The following HCN1 variants were observed in gnomAD, a reference collection of about 807,000 sequenced individuals.
The protein encoded by HCN1 is potassium/sodium hyperpolarization-activated cyclic nucleotide-gated channel 1.
Under a neutral mutation model 78.9 loss-of-function variants are expected in HCN1, and 13 were observed. The ratio of observed to expected loss-of-function variants is 0.16; its 90% CI spans 0.11 to 0.26. The LOEUF (loss-of-function observed/expected upper bound fraction) is 0.26, where lower values mean the gene tolerates loss of function less well. HCN1 is among the 10% of genes least tolerant of loss of function. HCN1 has a pLI of 1.00. For missense variants in HCN1, 810 were observed against 1,154.3 expected, an observed-to-expected ratio of 0.70 and a Z score of 4.32; for synonymous variants, 552 against 455.5, an observed-to-expected ratio of 1.21 and a Z score of -2.70.
chr5:45,634,585 G>T (rs544283193), intron 2 of HCN1, among the ~76,000 whole-genome samples: 7 of 151,746 alleles, frequency 4.6e-5, no homozygotes, highest in East Asian at 1.9e-4. Flanking sequence ...TACAAATCTA[G>T]AAGTTCTTCA....
intron 2 of HCN1, among the ~76,000 whole-genome samples, chr5:45,531,083 C>CAA (rs1481482612): frequency 3.0e-4 from 46 of 151,636 alleles, no homozygotes; most frequent in Admixed American, 1.8e-3. Context: ...CACACACACA[C>CAA]AATCATCACA....
At chr5:45,587,848 A>G (rs930043688) in intron 2 of HCN1, among the ~76,000 whole-genome samples, 1 of 152,088 alleles carries the variant, frequency 6.6e-6, no homozygotes, top group African/African-American at 2.4e-5. Context: ...GACCTTTAGG[A>G]TGTAATTAGT....
chr5:45,471,744 A>C (rs1256905244), intron 2 of HCN1, among the ~76,000 whole-genome samples: 1 of 151,954 alleles, frequency 6.6e-6, no homozygotes, highest in African/African-American at 2.4e-5. Flanking sequence ...CATTAACTGC[A>C]TGTTTGAGCT....
intron 3 of HCN1, among the ~76,000 whole-genome samples, chr5:45,415,463 T>C (rs1038497830): frequency 1.3e-5 from 2 of 151,968 alleles, no homozygotes; most frequent in Admixed American, 6.6e-5. Flanking sequence ...CTAAGCCTTA[T>C]AACAAAACCT....
chr5:45,630,514 A>G (rs1369171320), intron 2 of HCN1, among the ~76,000 whole-genome samples: 2 of 152,224 alleles, frequency 1.3e-5, no homozygotes, highest in Non-Finnish European at 2.9e-5. Context: ...GGTGTTGCCT[A>G]AAACCTTTCA....
At chr5:45,518,609 G>T (rs1742556810) in intron 2 of HCN1, among the ~76,000 whole-genome samples, 1 of 152,160 alleles carries the variant, frequency 6.6e-6, no homozygotes, top group South Asian at 2.1e-4. Context: ...TGATAGAAGA[G>T]ACCATTTGAT....
At chr5:45,576,909 A>AT (rs930681141) in intron 2 of HCN1, among the ~76,000 whole-genome samples, 76 of 152,048 alleles carry the variant, frequency 5.0e-4, no homozygotes, top group Admixed American at 1.4e-3. Context: ...CTAATCTTTT[A>AT]TTTTCCCCTT....
chr5:45,463,312 A>T (rs1008170107), intron 2 of HCN1, among the ~76,000 whole-genome samples: 3 of 151,938 alleles, frequency 2.0e-5, no homozygotes, highest in African/African-American at 7.2e-5. Context: ...TCTTTAATTA[A>T]ATGTTTTTCA....
chr5:45,366,717 A>G (rs1747245867), intron 4 of HCN1, among the ~76,000 whole-genome samples: 1 of 151,828 alleles, frequency 6.6e-6, no homozygotes, highest in Non-Finnish European at 1.5e-5. Context: ...ATCATGCAGA[A>G]GCAACATATC....
At position 45,616,945 on chromosome 5, in the gene HCN1, A is replaced by T. The variant is rs569885934; in HGVS notation, c.849+28240T>A. Reference sequence around the variant, plus strand: ...TCCTAAATACCTCAGCATTTATTGTAGTCTTAAAGATGCCTGTGACAAAGG... The same window carrying T: ...TCCTAAATACCTCAGCATTTATTGTTGTCTTAAAGATGCCTGTGACAAAGG... On this transcript the variant is annotated intron_variant, in intron 2 of 7. Coordinates refer to ENST00000303230, the MANE Select transcript of HCN1 (RefSeq NM_021072.4). Among the ~76,000 whole-genome samples, 166 of 152,166 alleles carry T rather than the reference A, an allele frequency of 1.1e-3. 1 individual carries two copies. The highest frequency in any genetic ancestry group is 3.9e-3 in the African/African-American group (161 of 41,548).
chr5:45,414,830 T>A (rs1224221826), intron 3 of HCN1, among the ~76,000 whole-genome samples: 1 of 152,036 alleles, frequency 6.6e-6, no homozygotes, highest in Non-Finnish European at 1.5e-5. Flanking sequence ...TTTGAGACTA[T>A]CTTAGGCCCT....
chr5:45,625,614 G>C (rs1745149940), intron 2 of HCN1, among the ~76,000 whole-genome samples: 1 of 150,908 alleles, frequency 6.6e-6, no homozygotes, highest in Non-Finnish European at 1.5e-5. Context: ...CTGGGAAAGA[G>C]AAAACTTTAA....
intron 2 of HCN1, among the ~76,000 whole-genome samples, chr5:45,538,897 T>G (rs538793580): frequency 1.3e-4 from 20 of 152,274 alleles, no homozygotes; most frequent in Non-Finnish European, 2.6e-4. Flanking sequence ...AGTTTCCAGG[T>G]TTCAGGTACT....
intron 2 of HCN1, among the ~76,000 whole-genome samples, chr5:45,529,627 C>T (rs564979175): frequency 1.4e-4 from 21 of 151,818 alleles, no homozygotes; most frequent in South Asian, 1.2e-3. Flanking sequence ...GTGTCTTTGG[C>T]GGAATACCAA....
At chr5:45,537,594 AG>A (rs1742995991) in intron 2 of HCN1, among the ~76,000 whole-genome samples, 1 of 118,776 alleles carries the variant, frequency 8.4e-6, no homozygotes, top group African/African-American at 3.3e-5. Context: ...GCTGGAGTGA[AG>A]TGGCGAGATC....
rs191093497 is a variant in HCN1, at chr5:45,613,934, C to T, written c.849+31251G>A. Among the ~76,000 whole-genome samples, 5 of 152,208 alleles carry T rather than the reference C, an allele frequency of 3.3e-5. No homozygotes were observed. In the East Asian group the frequency reaches 9.7e-4, roughly 29 times the overall value. On this transcript the variant is annotated intron_variant, in intron 2 of 7. Transcript: ENST00000303230. ...CGCAGTCTTATGAGCACTCCAAATT[C>T]AAGTGTAGGGAGAAATGGTTACTGT... is the stretch of plus-strand genomic sequence containing the variant.
chr5:45,393,773 G>T (rs984510108), intron 4 of HCN1, among the ~76,000 whole-genome samples: 1 of 152,178 alleles, frequency 6.6e-6, no homozygotes, highest in Non-Finnish European at 1.5e-5. Flanking sequence ...GGTCTAAAAA[G>T]ATGCTAAGTA....
At chr5:45,482,856 G>A (rs562438182) in intron 2 of HCN1, among the ~76,000 whole-genome samples, 1 of 152,230 alleles carries the variant, frequency 6.6e-6, no homozygotes, top group Admixed American at 6.5e-5. Flanking sequence ...AGAACATGTA[G>A]TATTTGTTTT....
chr5:45,370,502 GT>G (rs1444853696), intron 4 of HCN1, among the ~76,000 whole-genome samples: 2 of 152,016 alleles, frequency 1.3e-5, no homozygotes, highest in Non-Finnish European at 2.9e-5. Flanking sequence ...CAACATCAGA[GT>G]TTTGAAGAAG....
Sources: allele counts gnomAD v4.1 joint callset (sites outside exome capture counted in the v4.1 genomes callset), GRCh38; gene constraint gnomAD v4.1.1; transcripts MANE v1.5; gene names NCBI Gene and HGNC (gene_info 2026-07-23, HGNC 2026-07-21).